Variants in ERC2 observed in about 807,000 individuals in gnomAD.
The protein encoded by ERC2 is ELKS/RAB6-interacting/CAST family member 2.
A neutral mutation model predicts 114.8 loss-of-function variants in ERC2; 42 were observed. The observed-to-expected ratio is 0.37, with a 90% CI of 0.29 to 0.47. The LOEUF is 0.47. Ranked by LOEUF, ERC2 falls within the 20% of genes least tolerant of loss-of-function variation. The pLI, the probability that ERC2 is intolerant of heterozygous loss-of-function variation, is 0.99. For missense variants in ERC2, 939 were observed against 1,150.7 expected, an observed-to-expected ratio of 0.82 and a Z score of 2.66; for synonymous variants, 454 against 425.5, an observed-to-expected ratio of 1.07 and a Z score of -0.82.
At chr3:55,833,916 T>C (rs2060740659) in intron 14 of ERC2, among the ~76,000 whole-genome samples, 1 of 151,772 alleles carries the variant, frequency 6.6e-6, no homozygotes. Flanking sequence ...TGGAGGAAGA[T>C]CTACCAAGCA....
intron 17 of ERC2, chr3:55,612,635 C>T (rs748202737): frequency 3.3e-5 from 5 of 152,106 alleles, no homozygotes; most frequent in Non-Finnish European, 5.9e-5. Flanking sequence ...GTTTGAAGCT[C>T]AGAATTAAAA....
At chr3:56,194,049 C>G (rs999466211) in intron 3 of ERC2, among the ~76,000 whole-genome samples, 1 of 152,104 alleles carries the variant, frequency 6.6e-6, no homozygotes, top group Non-Finnish European at 1.5e-5. Flanking sequence ...GCTTTAGTGT[C>G]TACATTTTCC....
chr3:55,757,152 A>G (rs2067115695), intron 14 of ERC2, among the ~76,000 whole-genome samples: 1 of 152,204 alleles, frequency 6.6e-6, no homozygotes, highest in Admixed American at 6.5e-5. Flanking sequence ...ATATTAGTGT[A>G]TAGGCATGGT....
At chr3:56,412,021 A>T (rs909341107) in intron 2 of ERC2, among the ~76,000 whole-genome samples, 1 of 152,230 alleles carries the variant, frequency 6.6e-6, no homozygotes, top group African/African-American at 2.4e-5. Flanking sequence ...GTCATTGCAG[A>T]TATAATCGAA....
In ERC2 at chr3:56,007,146, A is replaced by C. The variant is rs940909582; in HGVS notation, c.2061+35T>G. On this transcript the variant is annotated intron_variant, in intron 10 of 17. Coordinates refer to ENST00000288221, the MANE Select transcript of ERC2 (RefSeq NM_015576.3). ...GTTCCATTTTATAAATTCATTTTTAAATAAGCATGATTCTTTTTCTTAGAC... is the reference window on the plus strand; with the variant it reads ...GTTCCATTTTATAAATTCATTTTTACATAAGCATGATTCTTTTTCTTAGAC... 4 of 1,517,492 alleles carry C rather than the reference A, an allele frequency of 2.6e-6. No individual in the cohort carries two copies. The African/African-American group carries it at 4.2e-5, about 16-fold the overall frequency. The allele number at this position is 1,517,492 out of a possible 1,614,324, so 94.0% of individuals were successfully genotyped here. A position where few individuals can be genotyped will look rare whatever the true frequency, so the allele number is the denominator to read the frequency against.
chr3:56,465,631 G>A (rs1018354777), intron 1 of ERC2, among the ~76,000 whole-genome samples: 1 of 152,148 alleles, frequency 6.6e-6, no homozygotes, highest in Non-Finnish European at 1.5e-5. Flanking sequence ...ATGGAAGAGT[G>A]TGAATTTTGT....
At chr3:56,321,445 G>A (rs1319152642) in intron 2 of ERC2, among the ~76,000 whole-genome samples, 1 of 152,164 alleles carries the variant, frequency 6.6e-6, no homozygotes, top group Non-Finnish European at 1.5e-5. Context: ...CACTGTAAAA[G>A]TTTAAAGAGC....
chr3:55,769,052 G>A (rs2068017538), intron 14 of ERC2, among the ~76,000 whole-genome samples: 2 of 152,072 alleles, frequency 1.3e-5, no homozygotes, highest in African/African-American at 4.8e-5. Context: ...TAACATCTAT[G>A]ATGAACTGGG....
At chr3:55,563,014 T>TA (rs2056129061) in intron 17 of ERC2, among the ~76,000 whole-genome samples, 1 of 152,144 alleles carries the variant, frequency 6.6e-6, no homozygotes, top group Non-Finnish European at 1.5e-5. Flanking sequence ...TAAAGATGCT[T>TA]AAAAACCCAT....
At chr3:55,861,020 G>T (rs2062004624) in intron 14 of ERC2, among the ~76,000 whole-genome samples, 1 of 152,220 alleles carries the variant, frequency 6.6e-6, no homozygotes, top group Non-Finnish European at 1.5e-5. Flanking sequence ...CCCCCAAATA[G>T]AAAGGTAGGG....
intron 7 of ERC2, among the ~76,000 whole-genome samples, chr3:56,034,076 T>C (rs542023749): frequency 3.7e-4 from 56 of 152,308 alleles, no homozygotes; most frequent in South Asian, 1.7e-3. Context: ...TATGCGACTA[T>C]AGAAGACTCA....
At chr3:56,043,730 A>C (rs1222936083) in intron 7 of ERC2, among the ~76,000 whole-genome samples, 1 of 152,188 alleles carries the variant, frequency 6.6e-6, no homozygotes, top group African/African-American at 2.4e-5. Context: ...CTTATAAGTT[A>C]GTTGACAAGA....
intron 6 of ERC2, among the ~76,000 whole-genome samples, chr3:56,103,518 A>G (rs1327619487): frequency 6.6e-6 from 1 of 152,110 alleles, no homozygotes; most frequent in African/African-American, 2.4e-5. Flanking sequence ...GACCCAAACT[A>G]TGGACTAAGC....
chr3:55,620,485 C>T (rs905323396), intron 17 of ERC2, among the ~76,000 whole-genome samples: 2 of 152,206 alleles, frequency 1.3e-5, no homozygotes, highest in Non-Finnish European at 2.9e-5. Flanking sequence ...TTGCTTTTCA[C>T]AATGACTCTG....
At chr3:55,875,429 T>C (rs2062783281) in intron 14 of ERC2, among the ~76,000 whole-genome samples, 2 of 152,196 alleles carry the variant, frequency 1.3e-5, no homozygotes, top group Admixed American at 1.3e-4. Context: ...CTCAGCTTCC[T>C]GCAGGTTCGA....
chr3:55,945,651 A>T (rs1187876816), intron 13 of ERC2, among the ~76,000 whole-genome samples: 1 of 152,172 alleles, frequency 6.6e-6, no homozygotes, highest in Non-Finnish European at 1.5e-5. Context: ...CTTCGAAAAA[A>T]GATATTGGCT....
chr3:56,405,389 T>G (rs969213621), intron 2 of ERC2, among the ~76,000 whole-genome samples: 2 of 151,726 alleles, frequency 1.3e-5, no homozygotes, highest in African/African-American at 2.4e-5. Flanking sequence ...ATTGTGCCAC[T>G]GCATTCCAGC....
intron 3 of ERC2, among the ~76,000 whole-genome samples, chr3:56,262,811 C>T (rs2053030837): frequency 6.6e-6 from 1 of 152,182 alleles, no homozygotes; most frequent in Admixed American, 6.5e-5. Context: ...TCAATTGGTT[C>T]CAACATGAAT....
intron 15 of ERC2, among the ~76,000 whole-genome samples, 167 bp from the exon 16 acceptor site, chr3:55,699,679 T>A (rs1369405365): frequency 1.3e-5 from 2 of 152,194 alleles, no homozygotes; most frequent in Admixed American, 1.3e-4. Context: ...GACATTAACT[T>A]TGGTGAAAAA....
Sources: gnomAD v4.1 joint callset for allele counts (sites outside exome capture counted in the v4.1 genomes callset) on GRCh38, gnomAD v4.1.1 for gene constraint, MANE v1.5 for transcripts, NCBI Gene and HGNC (gene_info 2026-07-23, HGNC 2026-07-21) for gene names.